The following ZNF438 variants were observed in gnomAD, a reference collection of about 807,000 sequenced individuals.
The protein encoded by ZNF438 is zinc finger protein 438.
ZNF438 carries 25 observed loss-of-function variants against 38.0 expected under a neutral mutation model. The observed-to-expected ratio is 0.66, with a 90% confidence interval of 0.48 to 0.92. The LOEUF is 0.92. Ranked by LOEUF, ZNF438 falls within the 40% of genes least tolerant of loss-of-function variation. ZNF438 has a pLI of 0.00. For missense variants in ZNF438, 1,007 were observed against 999.6 expected (o/e 1.01, Z -0.10); for synonymous variants, 372 against 364.1 (o/e 1.02, Z -0.25).
rs115177536 is a variant in ZNF438, at chr10:30,954,436, G to A, written c.-191-12785C>T. Among the ~76,000 whole-genome samples, 642 of 152,292 alleles carry A rather than the reference G, an allele frequency of 4.2e-3. 7 individuals are homozygous for A. The highest frequency in any genetic ancestry group is 0.014 in the African/African-American group (602 of 41,560). ...GCTTGGGGCCTACTACCAGTAAAGCGTGGTTTCAGGATAAAAATCTCTACA... is the reference window on the plus strand; with the variant it reads ...GCTTGGGGCCTACTACCAGTAAAGCATGGTTTCAGGATAAAAATCTCTACA... On this transcript the variant is annotated intron_variant, in intron 1 of 5. Transcript: ENST00000413025.
At chr10:31,020,352 T>C (rs1019979480) in intron 1 of ZNF438, among the ~76,000 whole-genome samples, 4 of 152,046 alleles carry the variant, frequency 2.6e-5, no homozygotes, top group Admixed American at 2.6e-4. Context: ...CTCAAGTTTT[T>C]AAAGAAAAAA....
intron 1 of ZNF438, among the ~76,000 whole-genome samples, chr10:31,008,946 C>T (rs2055399821): frequency 6.6e-6 from 1 of 152,194 alleles, no homozygotes; most frequent in African/African-American, 2.4e-5. Context: ...CTTTTGATTA[C>T]AGCTAACTAG....
intron 1 of ZNF438, among the ~76,000 whole-genome samples, chr10:30,985,288 C>T (rs962088796): frequency 4.6e-5 from 7 of 152,128 alleles, no homozygotes; most frequent in South Asian, 2.1e-4. Flanking sequence ...CTTAAAGACA[C>T]GGATTTAATG....
At chr10:30,952,967 G>A (rs2135842230) in intron 1 of ZNF438, among the ~76,000 whole-genome samples, 1 of 59,868 alleles carries the variant, frequency 1.7e-5, no homozygotes, top group African/African-American at 6.5e-5. Flanking sequence ...GTTTATTGTG[G>A]CATTATTCAC....
intron 1 of ZNF438, among the ~76,000 whole-genome samples, chr10:30,953,418 A>T (rs948121393): frequency 1.3e-5 from 2 of 151,970 alleles, no homozygotes; most frequent in South Asian, 2.1e-4. Context: ...AAATTTAAAA[A>T]ATTAAAAAAA....
intron 1 of ZNF438, among the ~76,000 whole-genome samples, chr10:31,018,891 G>A (rs908446818): frequency 6.6e-6 from 1 of 152,138 alleles, no homozygotes; most frequent in African/African-American, 2.4e-5. Context: ...ACGAAGTTCA[G>A]GACAAGCACC....
At chr10:31,009,270 A>G (rs2055432721) in intron 1 of ZNF438, among the ~76,000 whole-genome samples, 1 of 152,196 alleles carries the variant, frequency 6.6e-6, no homozygotes, top group Non-Finnish European at 1.5e-5. Context: ...CCCATTTTGC[A>G]GACAGAATTG....
In ZNF438 at chr10:31,011,846, C is replaced by T. The variant is rs533978139; in HGVS notation, c.-192+19987G>A. On this transcript the variant is annotated intron_variant, in intron 1 of 5. Coordinates refer to ENST00000413025, the Ensembl canonical transcript of ZNF438. ...TTATGTCTCTGACTCACACTTTCAA[C>T]GGCTTTTCACGACCCTTGAATAGAA... Among the ~76,000 whole-genome samples the T allele has an allele frequency of 4.6e-5, 7 of 152,308 alleles. No individual in the cohort carries two copies. The South Asian group carries it at 6.2e-4, about 14-fold the overall frequency.
At chr10:30,978,920 G>C (rs1468993296) in intron 1 of ZNF438, among the ~76,000 whole-genome samples, 4 of 152,136 alleles carry the variant, frequency 2.6e-5, no homozygotes, top group Non-Finnish European at 5.9e-5. Flanking sequence ...TCCCTCTCTA[G>C]CTATGAAAGT....
At chr10:30,878,120 G>T (rs551828723) in intron 3 of ZNF438, among the ~76,000 whole-genome samples, 36 of 152,340 alleles carry the variant, frequency 2.4e-4, no homozygotes, top group African/African-American at 8.2e-4. Flanking sequence ...GCACCTTCAA[G>T]TCAAAGTAGC....
chr10:30,850,174 G>T (rs777902472), exon 5 of ZNF438: 9 of 1,614,102 alleles, frequency 5.6e-6, no homozygotes, highest in Non-Finnish European at 7.6e-6. Context: ...CATAGTTCTG[G>T]GTGGACATCC....
chr10:30,955,708 T>C (rs2048789714), intron 1 of ZNF438, among the ~76,000 whole-genome samples: 1 of 152,230 alleles, frequency 6.6e-6, no homozygotes, highest in South Asian at 2.1e-4. Flanking sequence ...TGCCTGAATT[T>C]TCAACCCATA....
chr10:30,855,895 G>C (rs1034559986), intron 4 of ZNF438, among the ~76,000 whole-genome samples: 2 of 152,206 alleles, frequency 1.3e-5, no homozygotes, highest in African/African-American at 4.8e-5. Flanking sequence ...TTGTTGGGTG[G>C]AGGGACCTGG....
At chr10:30,888,370 C>T (rs542548115) in intron 3 of ZNF438, among the ~76,000 whole-genome samples, 184 of 152,228 alleles carry the variant, frequency 1.2e-3, no homozygotes, top group African/African-American at 4.2e-3. Context: ...CAAACACACA[C>T]ATTTAGCTTT....
At chr10:30,845,233 T>C (rs2031646147) in exon 6 of ZNF438, 2 of 1,614,040 alleles carry the variant, frequency 1.2e-6, no homozygotes, top group Non-Finnish European at 1.7e-6. Flanking sequence ...TCCATGAGCA[T>C]TTCCACGCCA....
chr10:30,852,696 G>A (rs531917871), intron 4 of ZNF438, among the ~76,000 whole-genome samples: 2 of 152,310 alleles, frequency 1.3e-5, no homozygotes, highest in South Asian at 2.1e-4. Flanking sequence ...TGAAACATAA[G>A]TTCACAGGAT....
At chr10:30,912,648 G>T (rs1589157193) in intron 2 of ZNF438, among the ~76,000 whole-genome samples, 1 of 152,120 alleles carries the variant, frequency 6.6e-6, no homozygotes, top group Admixed American at 6.6e-5. Flanking sequence ...GGCTCTGGAG[G>T]TGAACTACGT....
rs1292942810 is a variant in ZNF438 at position 30,952,094 on chromosome 10, C to T, written c.-191-10443G>A. ...CTGAACAGAGCCCTCAGAAATAACG[C>T]TGCCTATCTACAACTATCTGATCTT... On this transcript the variant is annotated intron_variant, in intron 1 of 5. Coordinates refer to ENST00000413025, the Ensembl canonical transcript of ZNF438. Among the ~76,000 whole-genome samples, 6 of 151,484 alleles carry T rather than the reference C, an allele frequency of 4.0e-5. No homozygotes were observed. In the South Asian group the frequency reaches 1.3e-3, roughly 32 times the overall value.
chr10:31,005,802 C>T (rs2055075089), intron 1 of ZNF438, among the ~76,000 whole-genome samples: 1 of 151,912 alleles, frequency 6.6e-6, no homozygotes, highest in South Asian at 2.1e-4. Flanking sequence ...GCTCATCATC[C>T]TATTTACTTT....
Sources: gnomAD v4.1 joint callset for allele counts (sites outside exome capture counted in the v4.1 genomes callset) on GRCh38, gnomAD v4.1.1 for gene constraint, MANE v1.5 for transcripts, NCBI Gene and HGNC (gene_info 2026-07-23, HGNC 2026-07-21) for gene names.